The following PCMTD1 variants were observed in gnomAD, a reference collection of about 807,000 sequenced individuals.
The protein encoded by PCMTD1 is protein-L-isoaspartate (D-aspartate) O-methyltransferase domain containing 1, also known as protein-L-isoaspartate O-methyltransferase domain-containing protein 1.
PCMTD1 carries 12 observed loss-of-function variants against 37.6 expected under a neutral mutation model. The observed-to-expected ratio is 0.32, with a 90% confidence interval of 0.20 to 0.52. The LOEUF (loss-of-function observed/expected upper bound fraction) is 0.52. PCMTD1 is among the 20% of genes least tolerant of loss of function. The pLI is 0.97. For synonymous variants in PCMTD1, 117 were observed against 135.8 expected, an observed-to-expected ratio of 0.86 and a Z score of 0.96; for missense variants, 235 against 421.3, an observed-to-expected ratio of 0.56 and a Z score of 3.87.
intron 1 of PCMTD1, among the ~76,000 whole-genome samples, chr8:51,877,410 T>C (rs2038728113): frequency 6.6e-6 from 1 of 152,182 alleles, no homozygotes; most frequent in South Asian, 2.1e-4. Flanking sequence ...CGCTTTTAAA[T>C]AAAGAAGAGG....
chr8:51,827,892 C>G (rs2129274455), intron 5 of PCMTD1, among the ~76,000 whole-genome samples: 1 of 152,228 alleles, frequency 6.6e-6, no homozygotes, highest in South Asian at 2.1e-4. Context: ...AAATGTCATT[C>G]AATCCAACCA....
intron 2 of PCMTD1, among the ~76,000 whole-genome samples, chr8:51,859,422 CT>C (rs1478487398): frequency 6.6e-6 from 1 of 152,102 alleles, no homozygotes; most frequent in Non-Finnish European, 1.5e-5. Flanking sequence ...TAAATGTAAG[CT>C]TCTAGATTTC....
At chr8:51,848,763 T>C (rs2038260969) in intron 2 of PCMTD1, among the ~76,000 whole-genome samples, 1 of 152,162 alleles carries the variant, frequency 6.6e-6, no homozygotes, top group South Asian at 2.1e-4. Context: ...TAAATATACA[T>C]GCAAAATATG....
intron 1 of PCMTD1, among the ~76,000 whole-genome samples, chr8:51,878,922 C>T (rs529367649): frequency 1.6e-4 from 24 of 152,136 alleles, no homozygotes; most frequent in African/African-American, 5.5e-4. Flanking sequence ...CCCAGGAGTT[C>T]GAGACCAGCC....
intron 1 of PCMTD1, among the ~76,000 whole-genome samples, chr8:51,891,411 T>C (rs1171555637): frequency 6.6e-6 from 1 of 151,872 alleles, no homozygotes; most frequent in Non-Finnish European, 1.5e-5. Flanking sequence ...AAAAAACAAT[T>C]AGCCGGGCAT....
intron 3 of PCMTD1, chr8:51,839,736 T>C (rs530882740): frequency 2.8e-5 from 15 of 533,006 alleles, no homozygotes; most frequent in Admixed American, 1.3e-4. Flanking sequence ...GATGCTGTTA[T>C]TGAAATTTTA....
At chr8:51,862,180 G>A (rs2038481448) in intron 1 of PCMTD1, among the ~76,000 whole-genome samples, 1 of 152,084 alleles carries the variant, frequency 6.6e-6, no homozygotes, top group Non-Finnish European at 1.5e-5. Flanking sequence ...TTAACACACA[G>A]AATAACATAT....
At chr8:51,878,358 AC>A (rs1246604640) in intron 1 of PCMTD1, among the ~76,000 whole-genome samples, 5 of 150,470 alleles carry the variant, frequency 3.3e-5, no homozygotes, top group Non-Finnish European at 7.4e-5. Context: ...AAGATTGGAC[AC>A]CCCTGGTGTA....
intron 5 of PCMTD1, among the ~76,000 whole-genome samples, chr8:51,827,684 TCC>T (rs551229621): frequency 3.3e-5 from 5 of 152,116 alleles, no homozygotes; most frequent in Non-Finnish European, 7.3e-5. Context: ...GTTTAATAAC[TCC>T]CATATATCTG....
At chr8:51,840,512 T>C (rs1452715684) in intron 3 of PCMTD1, among the ~76,000 whole-genome samples, 1 of 152,108 alleles carries the variant, frequency 6.6e-6, no homozygotes, top group Non-Finnish European at 1.5e-5. Flanking sequence ...TAAACATTAT[T>C]AGAATACCAA....
intron 4 of PCMTD1, among the ~76,000 whole-genome samples, chr8:51,832,696 A>G (rs1433157276): frequency 6.6e-6 from 1 of 152,240 alleles, no homozygotes; most frequent in East Asian, 1.9e-4. Context: ...ATACCTAATA[A>G]TTCCAAACCA....
chr8:51,878,250 G>GTTTTTTTTTT (rs375362623), intron 1 of PCMTD1, among the ~76,000 whole-genome samples: 11 of 139,154 alleles, frequency 7.9e-5, no homozygotes, highest in South Asian at 2.2e-4. Flanking sequence ...TTTTTTTTTG[G>GTTTTTTTTTT]TTTTTTTTTT....
intron 2 of PCMTD1, chr8:51,850,218 G>C: frequency 1.7e-6 from 1 of 589,822 alleles, no homozygotes; most frequent in Non-Finnish European, 3.0e-6. Context: ...GTAGTCCCTG[G>C]GAAAAAGCAT....
At chr8:51,891,219 A>G (rs1404314323) in intron 1 of PCMTD1, among the ~76,000 whole-genome samples, 1 of 152,106 alleles carries the variant, frequency 6.6e-6, no homozygotes, top group African/African-American at 2.4e-5. Context: ...ATAAATCTAA[A>G]CCATATGAAC....
chr8:51,821,948 G>A (rs1043979344), intron 5 of PCMTD1, among the ~76,000 whole-genome samples: 11 of 152,120 alleles, frequency 7.2e-5, no homozygotes, highest in Non-Finnish European at 1.2e-4. Flanking sequence ...TGTTAGTCAG[G>A]ATGGTCTCAA....
At chr8:51,878,465 A>C (rs2038746660) in intron 1 of PCMTD1, among the ~76,000 whole-genome samples, 1 of 152,196 alleles carries the variant, frequency 6.6e-6, no homozygotes, top group South Asian at 2.1e-4. Flanking sequence ...TGTGAGTTAA[A>C]ATGCAAGCAA....
chr8:51,829,643 G>T (rs1585788557), intron 5 of PCMTD1, among the ~76,000 whole-genome samples: 1 of 152,210 alleles, frequency 6.6e-6, no homozygotes, highest in African/African-American at 2.4e-5. Flanking sequence ...GGTGGTGGGA[G>T]CCTGTAATCC....
intron 1 of PCMTD1, among the ~76,000 whole-genome samples, chr8:51,866,421 A>G (rs1177523825): frequency 1.3e-5 from 2 of 152,044 alleles, no homozygotes; most frequent in Non-Finnish European, 2.9e-5. Context: ...TACTGACATA[A>G]AAACAGACAC....
intron 3 of PCMTD1, chr8:51,839,723 C>G (rs2038117264): frequency 3.4e-6 from 2 of 591,922 alleles, no homozygotes; most frequent in South Asian, 1.5e-4. Flanking sequence ...TCACGTGCCA[C>G]AGGATGCTGT....
Sources: allele counts gnomAD v4.1 joint callset (sites outside exome capture counted in the v4.1 genomes callset), GRCh38; gene constraint gnomAD v4.1.1; transcripts MANE v1.5; gene names NCBI Gene and HGNC (gene_info 2026-07-23, HGNC 2026-07-21).